The following GALNT18 variants were observed in gnomAD, a reference collection of about 807,000 sequenced individuals.
GALNT18 encodes the protein polypeptide N-acetylgalactosaminyltransferase 18.
Under a neutral mutation model 69.5 loss-of-function variants are expected in GALNT18, and 44 were observed. The observed-to-expected ratio is 0.63, with a 90% CI of 0.50 to 0.81. The LOEUF is 0.81. Ranked by LOEUF, GALNT18 falls within the 40% of genes least tolerant of loss-of-function variation. The pLI, the probability that GALNT18 is intolerant of heterozygous loss-of-function variation, is 0.00. For synonymous variants in GALNT18, 364 were observed against 318.2 expected, an observed-to-expected ratio of 1.14 and a Z score of -1.53; for missense variants, 715 against 810.0, an observed-to-expected ratio of 0.88 and a Z score of 1.42.
intron 1 of GALNT18, among the ~76,000 whole-genome samples, chr11:11,535,081 T>A (rs1037346522): frequency 1.3e-5 from 2 of 152,248 alleles, no homozygotes; most frequent in African/African-American, 4.8e-5. Flanking sequence ...GGAAATTGAA[T>A]AAGGAGCTTC....
chr11:11,417,582 G>T (rs1854895496), intron 3 of GALNT18, among the ~76,000 whole-genome samples: 1 of 152,204 alleles, frequency 6.6e-6, no homozygotes, highest in South Asian at 2.1e-4. Context: ...CAGTCCTGCA[G>T]GCCAGCAATA....
rs1857052188 is a variant in GALNT18, at chr11:11,505,494, AGCTCTAG to A, written c.236-56565_236-56559del. On this transcript the variant is annotated intron_variant, in intron 1 of 10. Coordinates refer to ENST00000227756, the MANE Select transcript of GALNT18 (RefSeq NM_198516.3). This position sits in a 1 kb window ranked among gnomAD's most constrained non-coding sequence, Gnocchi z 4.6. Reference sequence around the variant, plus strand: ...CCCAGAAACAACCTGCTCAGCAAAGAGCTCTAGGCCATCACCACAAAGTAATAGGAGC... The same window carrying A: ...CCCAGAAACAACCTGCTCAGCAAAGAGCCATCACCACAAAGTAATAGGAGC... Among the ~76,000 whole-genome samples, 1 of 152,122 alleles carries A rather than the reference AGCTCTAG, an allele frequency of 6.6e-6. No individual in the cohort carries two copies. Among genetic ancestry groups the A allele is most frequent in the African/African-American group, 2.4e-5 (1 of 41,436 alleles).
rs1316084398 is a variant in GALNT18 at position 11,584,336 on chromosome 11, C to G, written c.235+37023G>C. 6.6e-6 allele frequency among the ~76,000 whole-genome samples: 1 copy of G among 152,156 alleles called. No homozygotes were observed. Among genetic ancestry groups the G allele is most frequent in the East Asian group, 1.9e-4 (1 of 5,194 alleles). ...ATAACACCTTGCAAACACAAGGGGACAGTTTGTATTTTAAAGTCTTGGAAA... is the reference window on the plus strand; with the variant it reads ...ATAACACCTTGCAAACACAAGGGGAGAGTTTGTATTTTAAAGTCTTGGAAA... On this transcript the variant is annotated intron_variant, in intron 1 of 10. Transcript: ENST00000227756. The surrounding 1 kb of genome is among the most constrained non-coding windows in gnomAD (Gnocchi z 4.1).
At position 11,413,356 on chromosome 11, in the gene GALNT18, C is replaced by T. The variant is rs1316799189; in HGVS notation, c.595+19265G>A. ...AAACATCCCTCTGGAGGTGCAGATG[C>T]CCCATTAGGACTCAGAGGCACTCTC... On this transcript the variant is annotated intron_variant, in intron 3 of 10. Transcript: ENST00000227756. The surrounding 1 kb of genome is among the most constrained non-coding windows in gnomAD (Gnocchi z 4.7). 6.6e-6 allele frequency among the ~76,000 whole-genome samples: 1 copy of T among 152,114 alleles called. No individual in the cohort carries two copies. The highest frequency in any genetic ancestry group is 2.4e-5 in the African/African-American group (1 of 41,412).
At chr11:11,550,311 G>A (rs1858158305) in intron 1 of GALNT18, among the ~76,000 whole-genome samples, 1 of 152,194 alleles carries the variant, frequency 6.6e-6, no homozygotes, top group Non-Finnish European at 1.5e-5. Context: ...AGGCTTCCAT[G>A]CTTCGGACCT....
chr11:11,283,557 T>A (rs1376326158), intron 10 of GALNT18, among the ~76,000 whole-genome samples: 1 of 152,284 alleles, frequency 6.6e-6, no homozygotes, highest in East Asian at 1.9e-4. Context: ...AAGGGACACA[T>A]GTTAGCCGAC....
intron 1 of GALNT18, among the ~76,000 whole-genome samples, chr11:11,521,686 C>A (rs1227626363): frequency 6.6e-6 from 1 of 152,144 alleles, no homozygotes; most frequent in Non-Finnish European, 1.5e-5. Flanking sequence ...CTCAAAGCCA[C>A]CTTCTTCCTA....
intron 1 of GALNT18, among the ~76,000 whole-genome samples, chr11:11,534,537 G>A (rs536444742): frequency 6.6e-6 from 1 of 152,304 alleles, no homozygotes; most frequent in South Asian, 2.1e-4. Flanking sequence ...GCCAGCCAGG[G>A]AGACAGATGA....
chr11:11,498,798 C>CA (rs1299693929), intron 1 of GALNT18, among the ~76,000 whole-genome samples: 8 of 151,706 alleles, frequency 5.3e-5, no homozygotes, highest in African/African-American at 1.5e-4. Context: ...GACTCCATCT[C>CA]AAAAAAATAA....
intron 1 of GALNT18, among the ~76,000 whole-genome samples, chr11:11,458,308 T>G (rs1855966687): frequency 6.6e-6 from 1 of 152,248 alleles, no homozygotes; most frequent in Non-Finnish European, 1.5e-5. Context: ...GGTTTTCCTT[T>G]TCTTCCACTC....
At chr11:11,355,208 ATG>A (rs1238194489) in intron 6 of GALNT18, among the ~76,000 whole-genome samples, 72 of 152,320 alleles carry the variant, frequency 4.7e-4, no homozygotes, top group African/African-American at 1.6e-3. Flanking sequence ...AGCACTTACT[ATG>A]TGCCAGTCTT....
chr11:11,329,381 T>C (rs570742092), intron 8 of GALNT18, among the ~76,000 whole-genome samples: 1 of 152,264 alleles, frequency 6.6e-6, no homozygotes, highest in East Asian at 1.9e-4. Context: ...CCCAGAGATA[T>C]TATCTCTTTT....
chr11:11,517,874 G>T (rs930822408), intron 1 of GALNT18, among the ~76,000 whole-genome samples: 17 of 152,108 alleles, frequency 1.1e-4, no homozygotes, highest in Non-Finnish European at 1.2e-4. Flanking sequence ...CCAAAATCAT[G>T]TCCCTGAGAA....
rs533953611 is a variant in GALNT18 at position 11,448,800 on chromosome 11, G to A, written c.372C>T (p.Ala124=). The change falls in exon 2 of 11, where the codon GCC becomes GCT. Residue 124 remains alanine, a synonymous_variant. Coordinates refer to ENST00000227756, the MANE Select transcript of GALNT18 (RefSeq NM_198516.3). ...CCAGGGGCAGGCGGTCGCTGAGGTA[G>A]GCGTTGTAGCCGTAGTACTGGAATT... is the stretch of plus-strand genomic sequence containing the variant. The part of the protein sequence containing the change: ...LKQFQYYGYN[A]YLSDRLPLDR... The A allele has an allele frequency of 1.2e-6, 2 of 1,613,016 alleles. No homozygotes were observed. Among genetic ancestry groups the A allele is most frequent in the Non-Finnish European group, 8.5e-7 (1 of 1,179,816 alleles).
chr11:11,340,767 T>C lies in GALNT18; in HGVS notation c.1278+52A>G. 1.3e-6 allele frequency: 2 copies of C among 1,525,996 alleles called. No homozygotes were observed. Among genetic ancestry groups the C allele is most frequent in the South Asian group, 1.2e-5 (1 of 80,094 alleles). The allele number at this position is 1,525,996 out of a possible 1,614,324, so 94.5% of individuals were successfully genotyped here. ...AAGGGTTCGGTCCCATATCTTGTTT[T>C]GTTTGTTTTCCACCAATCCCCGAGA... On this transcript the variant is annotated intron_variant, in intron 7 of 10. Coordinates refer to ENST00000227756, the MANE Select transcript of GALNT18 (RefSeq NM_198516.3). This position sits in a 1 kb window ranked among gnomAD's most constrained non-coding sequence, Gnocchi z 4.2.
chr11:11,423,601 G>T (rs923814079), intron 3 of GALNT18, among the ~76,000 whole-genome samples: 5 of 152,088 alleles, frequency 3.3e-5, no homozygotes, highest in Non-Finnish European at 7.4e-5. Context: ...TTCCCTTTTT[G>T]TCTCCTACTT....
rs1857979748 is a variant in GALNT18 at position 11,543,770 on chromosome 11, T to C, written c.235+77589A>G. On this transcript the variant is annotated intron_variant, in intron 1 of 10. Coordinates refer to ENST00000227756, the MANE Select transcript of GALNT18 (RefSeq NM_198516.3). This position sits in a 1 kb window ranked among gnomAD's most constrained non-coding sequence, Gnocchi z 5.1. ...ACTCCTACATCCCATGGCTCTGTGA[T>C]GTGACTGGGGCCCCGAATGTGCCAC... Among the ~76,000 whole-genome samples, 1 of 152,218 alleles carries C rather than the reference T, an allele frequency of 6.6e-6. No individual in the cohort carries two copies. The highest frequency in any genetic ancestry group is 6.5e-5 in the Admixed American group (1 of 15,284).
In GALNT18 at chr11:11,543,028, T is replaced by C. The variant is rs1234393203; in HGVS notation, c.235+78331A>G. ...GTGAATGATATGACCTTCCTCAAGG[T>C]TGTTTCAGGCACTAAATGCACCAGT... On this transcript the variant is annotated intron_variant, in intron 1 of 10. Transcript: ENST00000227756. This position sits in a 1 kb window ranked among gnomAD's most constrained non-coding sequence, Gnocchi z 5.1. Among the ~76,000 whole-genome samples the C allele has an allele frequency of 4.6e-5, 7 of 152,130 alleles. No homozygotes were observed. Among genetic ancestry groups the C allele is most frequent in the African/African-American group, 1.4e-4 (6 of 41,422 alleles).
At chr11:11,425,819 A>T (rs182760938) in intron 3 of GALNT18, among the ~76,000 whole-genome samples, 1 of 152,280 alleles carries the variant, frequency 6.6e-6, no homozygotes, top group East Asian at 1.9e-4. Context: ...GCCACCAAAA[A>T]CCTGTTGAAG....
Sources: gnomAD v4.1 joint callset for allele counts (sites outside exome capture counted in the v4.1 genomes callset) on GRCh38, gnomAD v4.1.1 for gene constraint, Gnocchi (gnomAD v3.1) non-coding constraint, MANE v1.5 for transcripts, NCBI Gene and HGNC (gene_info 2026-07-23, HGNC 2026-07-21) for gene names.